Variants in KCNB2 observed in about 807,000 individuals in gnomAD.
The protein encoded by KCNB2 is delayed rectifier potassium channel protein.
A neutral mutation model predicts 61.5 loss-of-function variants in KCNB2; 15 were observed. The ratio of observed to expected loss-of-function variants is 0.24; its 90% CI spans 0.16 to 0.38. The LOEUF (loss-of-function observed/expected upper bound fraction) is 0.38, where lower values mean the gene tolerates loss of function less well. KCNB2 is among the 10% of genes least tolerant of loss of function. The pLI, the probability that KCNB2 is intolerant of heterozygous loss-of-function variation, is 1.00. For synonymous variants in KCNB2, 457 were observed against 446.0 expected (o/e 1.02, Z -0.31); for missense variants, 828 against 1,125.2 (o/e 0.74, Z 3.78).
chr8:72,872,381 CA>C (rs894199442), intron 2 of KCNB2, among the ~76,000 whole-genome samples: 6 of 152,332 alleles, frequency 3.9e-5, no homozygotes, highest in Non-Finnish European at 5.9e-5. Flanking sequence ...AGTTAAATCT[CA>C]TAAACCGGCT....
intron 2 of KCNB2, among the ~76,000 whole-genome samples, chr8:72,574,021 G>A (rs1210960684): frequency 6.6e-6 from 1 of 152,156 alleles, no homozygotes; most frequent in Admixed American, 6.5e-5. Context: ...AAAAGAACTT[G>A]GCCAATCTGC....
intron 2 of KCNB2, among the ~76,000 whole-genome samples, chr8:72,648,973 A>T (rs551184811): frequency 3.0e-4 from 46 of 151,838 alleles, no homozygotes; most frequent in African/African-American, 1.1e-3. Context: ...AAGTTTTTTT[A>T]TTTTTTTTCT....
At chr8:72,892,146 A>G (rs1805906629) in intron 2 of KCNB2, among the ~76,000 whole-genome samples, 1 of 152,188 alleles carries the variant, frequency 6.6e-6, no homozygotes, top group South Asian at 2.1e-4. Context: ...CCTGAGCTGT[A>G]TTAGGTTCTT....
intron 2 of KCNB2, among the ~76,000 whole-genome samples, chr8:72,923,478 T>G (rs13263397): frequency 1.3e-5 from 2 of 151,906 alleles, no homozygotes; most frequent in Non-Finnish European, 2.9e-5. Flanking sequence ...CTTAAGGTCT[T>G]TGCTTTAATG....
At chr8:72,895,224 G>A (rs1328261169) in intron 2 of KCNB2, among the ~76,000 whole-genome samples, 1 of 152,202 alleles carries the variant, frequency 6.6e-6, no homozygotes, top group Non-Finnish European at 1.5e-5. Flanking sequence ...AGGGAATTAA[G>A]GTGCTGATTA....
chr8:72,924,653 G>A (rs1019936189), intron 2 of KCNB2, among the ~76,000 whole-genome samples: 11 of 152,104 alleles, frequency 7.2e-5, no homozygotes, highest in African/African-American at 2.7e-4. Flanking sequence ...ATAAAAAAAA[G>A]GGCCTCTCTG....
intron 2 of KCNB2, among the ~76,000 whole-genome samples, chr8:72,894,746 C>T (rs867754986): frequency 6.6e-6 from 1 of 152,152 alleles, no homozygotes. Flanking sequence ...AGCAGTTCTC[C>T]ATCACCTTCC....
chr8:72,613,858 C>T (rs1465342009), intron 2 of KCNB2, among the ~76,000 whole-genome samples: 1 of 152,162 alleles, frequency 6.6e-6, no homozygotes, highest in Non-Finnish European at 1.5e-5. Context: ...AATGAAGTAA[C>T]GTGAAAGAGT....
At chr8:72,931,127 T>C (rs565190914) in intron 2 of KCNB2, among the ~76,000 whole-genome samples, 7,524 of 152,306 alleles carry the variant, frequency 0.049, 585 homozygotes, top group African/African-American at 0.17. Context: ...GTATTATTTC[T>C]GAGGGCTCTG....
At chr8:72,921,827 A>G (rs1241369377) in intron 2 of KCNB2, among the ~76,000 whole-genome samples, 1 of 152,146 alleles carries the variant, frequency 6.6e-6, no homozygotes, top group East Asian at 1.9e-4. Context: ...GTTTCTCCAA[A>G]TTAAACTGGT....
At chr8:72,588,761 A>G (rs1355301285) in intron 2 of KCNB2, among the ~76,000 whole-genome samples, 1 of 152,054 alleles carries the variant, frequency 6.6e-6, no homozygotes, top group African/African-American at 2.4e-5. Flanking sequence ...AAAATTAAAA[A>G]TTAGCCAGGC....
At chr8:72,745,988 G>T (rs1808057713) in intron 2 of KCNB2, among the ~76,000 whole-genome samples, 1 of 152,104 alleles carries the variant, frequency 6.6e-6, no homozygotes, top group African/African-American at 2.4e-5. Context: ...ATTTTTGCTT[G>T]CATACTAAAA....
chr8:72,666,713 C>T (rs566032227), intron 2 of KCNB2, among the ~76,000 whole-genome samples: 3 of 148,114 alleles, frequency 2.0e-5, no homozygotes, highest in African/African-American at 5.0e-5. Flanking sequence ...AGTGCAGTGG[C>T]GCAATCTCGG....
chr8:72,646,904 T>C (rs1378127465), intron 2 of KCNB2, among the ~76,000 whole-genome samples: 2 of 152,312 alleles, frequency 1.3e-5, no homozygotes, highest in East Asian at 3.9e-4. Flanking sequence ...ATTTTTTTTG[T>C]GCTGAAATCC....
chr8:72,581,299 T>C (rs1214190897), intron 2 of KCNB2, among the ~76,000 whole-genome samples: 2 of 152,152 alleles, frequency 1.3e-5, no homozygotes, highest in Non-Finnish European at 2.9e-5. Context: ...TCCTGTGAGG[T>C]CTGCCTGATT....
At chr8:72,636,927 A>G (rs1336216101) in intron 2 of KCNB2, among the ~76,000 whole-genome samples, 1 of 152,150 alleles carries the variant, frequency 6.6e-6, no homozygotes, top group African/African-American at 2.4e-5. Flanking sequence ...GTCTTGAAAT[A>G]TCTTCTCCCC....
intron 2 of KCNB2, among the ~76,000 whole-genome samples, chr8:72,756,863 A>G (rs1440350): frequency 0.68 from 103,619 of 151,974 alleles, 36,029 homozygotes; most frequent in African/African-American, 0.81. Context: ...AGGAGGCCAT[A>G]CATTCAGATT....
At chr8:72,890,319 T>TC (rs1205899802) in intron 2 of KCNB2, among the ~76,000 whole-genome samples, 4 of 152,252 alleles carry the variant, frequency 2.6e-5, no homozygotes, top group South Asian at 2.1e-4. Context: ...GGAGTGGCAG[T>TC]ACAAAGGGTG....
chr8:72,574,846 A>G (rs1028595586), intron 2 of KCNB2, among the ~76,000 whole-genome samples: 5 of 152,096 alleles, frequency 3.3e-5, no homozygotes, highest in Admixed American at 6.5e-5. Context: ...TTCAAGTGAG[A>G]AAGTTTGTAA....
Sources: gnomAD v4.1 joint callset for allele counts (sites outside exome capture counted in the v4.1 genomes callset) on GRCh38, gnomAD v4.1.1 for gene constraint, MANE v1.5 for transcripts, NCBI Gene and HGNC (gene_info 2026-07-23, HGNC 2026-07-21) for gene names.